The following FAM149A variants were observed in gnomAD, a reference collection of about 807,000 sequenced individuals.
FAM149A encodes protein FAM149A.
In FAM149A, 71 loss-of-function variants were observed where a neutral mutation model predicts 78.2. The observed-to-expected ratio is 0.91, with a 90% CI of 0.75 to 1.11. The LOEUF is 1.11. Ranked by LOEUF, FAM149A falls within the 50% of genes least tolerant of loss-of-function variation. The pLI, the probability that FAM149A is intolerant of heterozygous loss-of-function variation, is 0.00. For missense variants in FAM149A, 1,036 were observed against 971.0 expected (o/e 1.07, Z -0.89); for synonymous variants, 446 against 410.5 (o/e 1.09, Z -1.04).
At chr4:186,143,454 ATC>A in intron 1 of FAM149A, among the ~76,000 whole-genome samples, 1 of 152,020 alleles carries the variant, frequency 6.6e-6, no homozygotes, top group Non-Finnish European at 1.5e-5. Context: ...AGGATTTAAA[ATC>A]TCATTAATTT....
chr4:186,171,331 T>G (rs1034660767), intron 13 of FAM149A: 4 of 152,234 alleles, frequency 2.6e-5, no homozygotes, highest in African/African-American at 9.7e-5. Flanking sequence ...CTATTGATGG[T>G]CAGAGGTCTT....
Position 186,170,500 on chromosome 4 carries a change from A to T in FAM149A, c.2219-1414A>T, listed in dbSNP as rs368177084. Among the ~76,000 whole-genome samples, 37 of 152,334 alleles carry T rather than the reference A, an allele frequency of 2.4e-4. No homozygotes were observed. The East Asian group carries it at 2.7e-3, about 11-fold the overall frequency. ...AAAACAAGACTGTGCCTTCAAGTTC[A>T]GGTAGGGGTGGCCCTGTCCGGGGCC... is the stretch of plus-strand genomic sequence containing the variant. On this transcript the variant is annotated intron_variant, in intron 13 of 13. Transcript: ENST00000389354.
At chr4:186,151,031 C>G (rs1733537580) in intron 3 of FAM149A, 1 of 985,234 alleles carries the variant, frequency 1.0e-6, no homozygotes, top group Admixed American at 6.1e-5. Context: ...AAGTGGTTCC[C>G]CACTCCCACT....
At chr4:186,146,913 G>A (rs952627244) in intron 1 of FAM149A, 30 of 985,316 alleles carry the variant, frequency 3.0e-5, no homozygotes, top group African/African-American at 3.0e-4. Flanking sequence ...TCTTTCAACC[G>A]AGGGCATCTT....
intron 1 of FAM149A, chr4:186,132,032 AG>A: frequency 1.0e-6 from 1 of 985,456 alleles, no homozygotes; most frequent in Non-Finnish European, 1.2e-6. Context: ...TCTCCATAAA[AG>A]ATTGGAACAC....
intron 1 of FAM149A, among the ~76,000 whole-genome samples, chr4:186,147,127 A>G (rs1733114907): frequency 6.6e-6 from 1 of 152,224 alleles, no homozygotes; most frequent in South Asian, 2.1e-4. Flanking sequence ...TCATGCCTAT[A>G]GTCCCAGCAG....
intron 13 of FAM149A, 184 bp downstream of exon 13, chr4:186,167,446 T>C: frequency 1.5e-6 from 1 of 678,214 alleles, no homozygotes; most frequent in East Asian, 2.9e-5. Flanking sequence ...AGAGACTTAC[T>C]TACCTGCTGT....
chr4:186,146,587 CGCAT>C, intron 1 of FAM149A: 1 of 866,610 alleles, frequency 1.2e-6, no homozygotes, highest in Non-Finnish European at 1.4e-6. Flanking sequence ...GAAACAAACT[CGCAT>C]GCGTCCCATT....
At chr4:186,165,046 CGCCTGGATTCTCACCT>C (rs1011575493) in intron 10 of FAM149A, among the ~76,000 whole-genome samples, 34 of 152,102 alleles carry the variant, frequency 2.2e-4, no homozygotes, top group African/African-American at 8.2e-4. Context: ...GCTTCTCACC[CGCCTGGATTCTCACCT>C]GCCAGCCTCA....
At chr4:186,127,987 CTTTTTTT>C (rs61637634) in intron 1 of FAM149A, among the ~76,000 whole-genome samples, 1 of 62,390 alleles carries the variant, frequency 1.6e-5, no homozygotes, top group Non-Finnish European at 2.7e-5. Context: ...CATGCCCGGC[CTTTTTTT>C]TTTTTTTTTT....
chr4:186,136,952 C>CTCTCTT (rs2099323103), intron 1 of FAM149A, among the ~76,000 whole-genome samples: 5 of 118,190 alleles, frequency 4.2e-5, no homozygotes, highest in African/African-American at 1.1e-4. Context: ...CTCTCTCTCT[C>CTCTCTT]TCTCTCTCTC....
At chr4:186,169,022 A>G (rs1323671857) in intron 13 of FAM149A, among the ~76,000 whole-genome samples, 1 of 152,130 alleles carries the variant, frequency 6.6e-6, no homozygotes, top group Non-Finnish European at 1.5e-5. Context: ...AACTGGGGAA[A>G]TTCTGACGAG....
intron 1 of FAM149A, among the ~76,000 whole-genome samples, chr4:186,126,670 G>A (rs549453654): frequency 4.1e-4 from 62 of 152,100 alleles, no homozygotes; most frequent in Non-Finnish European, 4.3e-4. Context: ...TCACGCCATC[G>A]TCACCCCATT....
intron 13 of FAM149A, among the ~76,000 whole-genome samples, chr4:186,168,690 G>T (rs971789558): frequency 6.6e-6 from 1 of 152,174 alleles, no homozygotes; most frequent in African/African-American, 2.4e-5. Context: ...TAGGTGCTTG[G>T]GGGGAAGTAG....
intron 1 of FAM149A, among the ~76,000 whole-genome samples, chr4:186,136,978 C>CTCTCTCTCTCTCTCTT (rs2099323348): frequency 9.1e-6 from 1 of 110,406 alleles, no homozygotes; most frequent in Non-Finnish European, 1.9e-5. Context: ...CTCTCTCTTT[C>CTCTCTCTCTCTCTCTT]TCTCTCTCTC....
intron 1 of FAM149A, chr4:186,117,578 A>C: frequency 1.0e-6 from 1 of 985,458 alleles, no homozygotes; most frequent in African/African-American, 1.7e-5. Flanking sequence ...AGACCAAAGC[A>C]GTGTGAGCAA....
At chr4:186,123,456 C>A in intron 1 of FAM149A, 3 of 778,500 alleles carry the variant, frequency 3.9e-6, no homozygotes, top group Non-Finnish European at 4.7e-6. Flanking sequence ...AAATGCAAGG[C>A]CCTTCATGGC....
chr4:186,104,835 C>A lies in FAM149A; in HGVS notation c.-242C>A. The A allele has an allele frequency of 1.9e-6, 1 of 516,762 alleles. No homozygotes were observed. The highest frequency in any genetic ancestry group is 2.5e-6 in the Non-Finnish European group (1 of 401,980). 32.0% of individuals were successfully genotyped at this position (516,762 alleles called of 1,614,324 possible). On this transcript the variant is annotated 5_prime_UTR_variant, in exon 1 of 14. Coordinates refer to ENST00000389354, the MANE Select transcript of FAM149A (RefSeq NM_001367768.3). ...CCTTCGGCCCTCGGGGGTCTCACGG[C>A]GCTGGGACGAGGCGGGGCTGCTCTC...
At chr4:186,134,954 G>A (rs912884981) in intron 1 of FAM149A, among the ~76,000 whole-genome samples, 3 of 152,226 alleles carry the variant, frequency 2.0e-5, no homozygotes, top group East Asian at 3.9e-4. Flanking sequence ...GTGGGAATGC[G>A]TTGGGAGGAC....
Sources: gnomAD v4.1 joint callset for allele counts (sites outside exome capture counted in the v4.1 genomes callset) on GRCh38, gnomAD v4.1.1 for gene constraint, MANE v1.5 for transcripts, NCBI Gene and HGNC (gene_info 2026-07-23, HGNC 2026-07-21) for gene names.